Variants in GRK4 observed in about 807,000 individuals in gnomAD.
GRK4 encodes the protein G protein-coupled receptor kinase 4, also known as G protein-coupled receptor kinase 2-like.
A neutral mutation model predicts 77.9 loss-of-function variants in GRK4; 73 were observed. The observed-to-expected ratio is 0.94, with a 90% CI of 0.78 to 1.14. The LOEUF is 1.14. GRK4 is among the 50% of genes most tolerant of loss of function. The probability of loss-of-function intolerance (pLI) is 0.00; values close to 1 mark genes in which losing one functional copy is unlikely to be tolerated. For missense variants in GRK4, 729 were observed against 700.2 expected, an observed-to-expected ratio of 1.04 and a Z score of -0.46; for synonymous variants, 257 against 254.4, an observed-to-expected ratio of 1.01 and a Z score of -0.10.
chr4:3,040,540 C>T (rs192227548), intron 15 of GRK4, 32 bp from the exon 16 acceptor site: 167 of 1,591,826 alleles, frequency 1.0e-4, no homozygotes, highest in Non-Finnish European at 1.1e-4. Context: ...TCGCATCAGC[C>T]GTGTGCCTGA....
intron 2 of GRK4, among the ~76,000 whole-genome samples, chr4:2,988,079 A>AAAAAAAAAAAAAAAAAAAAAAG: frequency 6.9e-6 from 1 of 144,928 alleles, no homozygotes; most frequent in Non-Finnish European, 1.5e-5. Context: ...CTGTCTCAAA[A>AAAAAAAAAAAAAAAAAAAAAAG]AAAAAAAAAA....
At chr4:3,009,259 A>G (rs1732189547) in intron 6 of GRK4, among the ~76,000 whole-genome samples, 1 of 151,832 alleles carries the variant, frequency 6.6e-6, no homozygotes. Context: ...CGTCTCTACT[A>G]AAAATACAAA....
At chr4:2,976,544 T>C (rs1302534545) in intron 1 of GRK4, among the ~76,000 whole-genome samples, 1 of 152,060 alleles carries the variant, frequency 6.6e-6, no homozygotes, top group African/African-American at 2.4e-5. Flanking sequence ...TTTGATGATA[T>C]GTTTGCTTCC....
chr4:3,036,898 C>A (rs1740808447), intron 13 of GRK4, among the ~76,000 whole-genome samples: 1 of 152,202 alleles, frequency 6.6e-6, no homozygotes. Context: ...AGGGATCCCA[C>A]CGCTGGTGGC....
chr4:3,036,873 C>T (rs562520963), intron 13 of GRK4, among the ~76,000 whole-genome samples: 37 of 152,266 alleles, frequency 2.4e-4, no homozygotes, highest in Middle Eastern at 3.4e-3. Flanking sequence ...GAGGCAGGGG[C>T]GAGAATTGTC....
At chr4:2,970,522 G>C (rs544328381) in intron 1 of GRK4, among the ~76,000 whole-genome samples, 3 of 151,874 alleles carry the variant, frequency 2.0e-5, no homozygotes, top group Non-Finnish European at 4.4e-5. Flanking sequence ...GCCAGGCATG[G>C]TGGCATGCAC....
intron 5 of GRK4, among the ~76,000 whole-genome samples, chr4:3,006,416 A>G (rs529761629): frequency 1.3e-5 from 2 of 151,878 alleles, no homozygotes; most frequent in East Asian, 1.9e-4. Context: ...ATTTCAAGTC[A>G]TCTTACTTAT....
Position 2,965,647 on chromosome 4 carries a change from C to T in GRK4, c.52+1525C>T, listed in dbSNP as rs1717421397. On this transcript the variant is annotated intron_variant, in intron 1 of 15. Coordinates refer to ENST00000398052, the MANE Select transcript of GRK4 (RefSeq NM_182982.3). The stretch of plus-strand genomic sequence containing the variant: ...TCACTTGGGCCCAGGAGAGTCCAGC[C>T]TGGGCAAAACACAGCAAGACCATCT... 2.0e-5 allele frequency: 12 copies of T among 592,910 alleles called. No individual in the cohort carries two copies. The South Asian group carries it at 2.4e-4, about 12-fold the overall frequency. 36.7% of individuals were successfully genotyped at this position (592,910 alleles called of 1,614,324 possible). A position where few individuals can be genotyped will look rare whatever the true frequency, so the allele number is the denominator to read the frequency against.
intron 7 of GRK4, among the ~76,000 whole-genome samples, chr4:3,011,201 G>A (rs1732817254): frequency 1.3e-5 from 2 of 152,194 alleles, no homozygotes; most frequent in Admixed American, 1.3e-4. Flanking sequence ...AGGAATGAAA[G>A]TCTAATTATA....
intron 4 of GRK4, among the ~76,000 whole-genome samples, chr4:2,997,908 CAAAAAA>C: frequency 9.2e-6 from 1 of 108,710 alleles, no homozygotes; most frequent in African/African-American, 3.3e-5. Flanking sequence ...ACTCCATCTC[CAAAAAA>C]AAAAAAAAAA....
chr4:3,018,009 G>T (rs1735008038), intron 8 of GRK4, among the ~76,000 whole-genome samples: 1 of 151,504 alleles, frequency 6.6e-6, no homozygotes, highest in African/African-American at 2.4e-5. Context: ...AGGGATTAAG[G>T]TTAGAGAAAA....
intron 10 of GRK4, among the ~76,000 whole-genome samples, chr4:3,026,261 G>A (rs1286114679): frequency 6.6e-6 from 1 of 152,220 alleles, no homozygotes; most frequent in Non-Finnish European, 1.5e-5. Flanking sequence ...AGCCTCGCCA[G>A]CAGACCGAGT....
intron 4 of GRK4, among the ~76,000 whole-genome samples, chr4:2,998,945 A>G (rs1485377515): frequency 6.6e-6 from 1 of 152,148 alleles, no homozygotes; most frequent in Non-Finnish European, 1.5e-5. Flanking sequence ...GAGGACTCGC[A>G]CTCCTCAATT....
At chr4:3,016,179 G>T (rs1266087753) in intron 8 of GRK4, among the ~76,000 whole-genome samples, 2 of 149,020 alleles carry the variant, frequency 1.3e-5, no homozygotes, top group Non-Finnish European at 3.0e-5. Flanking sequence ...GAATGCTGGG[G>T]ATTACAGGTG....
At position 3,004,349 on chromosome 4, in the gene GRK4, C is replaced by G. The variant is rs1730689202; in HGVS notation, c.443+15C>G. 3 of 1,483,464 alleles carry G rather than the reference C, an allele frequency of 2.0e-6. No individual in the cohort carries two copies. The highest frequency in any genetic ancestry group is 1.7e-4 in the Middle Eastern group (1 of 5,790). The allele number at this position is 1,483,464 out of a possible 1,614,324, so 91.9% of individuals were successfully genotyped here. On this transcript the variant is annotated intron_variant, in intron 5 of 15. Transcript: ENST00000398052. ...GAATGTACTAGGTAAGTGGTTCATGCTGAGCCCTGCATATATTATCTATGA... is the reference window on the plus strand; with the variant it reads ...GAATGTACTAGGTAAGTGGTTCATGGTGAGCCCTGCATATATTATCTATGA...
At chr4:3,035,581 TTTTCTC>T in intron 13 of GRK4, 58 bp downstream of exon 13, 1 of 1,528,378 alleles carries the variant, frequency 6.5e-7, no homozygotes, top group East Asian at 2.3e-5. Context: ...ACAGCACGGT[TTTTCTC>T]TTTCTTTTTT....
At chr4:2,995,653 G>C (rs1727636245) in intron 4 of GRK4, among the ~76,000 whole-genome samples, 1 of 151,724 alleles carries the variant, frequency 6.6e-6, no homozygotes, top group Admixed American at 6.6e-5. Flanking sequence ...TCCAACCTGG[G>C]TGATAAAGTG....
chr4:2,986,347 G>A (rs1489790016), intron 2 of GRK4, among the ~76,000 whole-genome samples: 3 of 139,518 alleles, frequency 2.2e-5, no homozygotes, highest in African/African-American at 8.3e-5. Flanking sequence ...TATATAAAAG[G>A]TGTTATCTTT....
In GRK4 at chr4:2,963,666, G is replaced by A. The variant is rs890041504; in HGVS notation, c.-405G>A. The A allele has an allele frequency of 3.6e-5, 13 of 356,302 alleles. No homozygotes were observed. The highest frequency in any genetic ancestry group is 6.0e-5 in the Non-Finnish European group (12 of 198,840). The allele number at this position is 356,302 out of a possible 1,614,324, so 22.1% of individuals were successfully genotyped here. A position where few individuals can be genotyped will look rare whatever the true frequency, so the allele number is the denominator to read the frequency against. Reference sequence around the variant, plus strand: ...GAGCGGGTCGCCGGCCGCGGCGGGCGCCCCTGCCAGTGAGCCCCTGTCCGA... The same window carrying A: ...GAGCGGGTCGCCGGCCGCGGCGGGCACCCCTGCCAGTGAGCCCCTGTCCGA... On this transcript the variant is annotated 5_prime_UTR_variant, in exon 1 of 16. Coordinates refer to ENST00000398052, the MANE Select transcript of GRK4 (RefSeq NM_182982.3).
Sources: allele counts gnomAD v4.1 joint callset (sites outside exome capture counted in the v4.1 genomes callset), GRCh38; gene constraint gnomAD v4.1.1; transcripts MANE v1.5; gene names NCBI Gene and HGNC (gene_info 2026-07-23, HGNC 2026-07-21).